Variants in CHRNA7 observed in about 807,000 individuals in gnomAD.
CHRNA7 encodes cholinergic receptor nicotinic alpha 7 subunit, also known as neuronal acetylcholine receptor subunit alpha-7.
A neutral mutation model predicts 48.0 loss-of-function variants in CHRNA7; 17 were observed. The observed-to-expected ratio is 0.35, with a 90% CI of 0.24 to 0.53. The LOEUF (loss-of-function observed/expected upper bound fraction) is 0.53, where lower values mean the gene tolerates loss of function less well. CHRNA7 is among the 20% of genes least tolerant of loss of function. The pLI, the probability that CHRNA7 is intolerant of heterozygous loss-of-function variation, is 0.92. For missense variants in CHRNA7, 155 were observed against 577.7 expected (o/e 0.27, Z 7.50); for synonymous variants, 75 against 242.3 (o/e 0.31, Z 6.41).
At chr15:32,061,236 A>G (rs1006911041) in intron 2 of CHRNA7, among the ~76,000 whole-genome samples, 1 of 152,146 alleles carries the variant, frequency 6.6e-6, no homozygotes, top group Admixed American at 6.5e-5. Flanking sequence ...CTTAAGTGCC[A>G]GCCTCACCCA....
chr15:32,056,317 T>G (rs1466701127), intron 2 of CHRNA7, among the ~76,000 whole-genome samples: 3 of 152,204 alleles, frequency 2.0e-5, no homozygotes. Flanking sequence ...GTTTTACCTC[T>G]CATGTTTGTT....
intron 2 of CHRNA7, among the ~76,000 whole-genome samples, chr15:32,072,445 T>C (rs922294880): frequency 2.6e-5 from 4 of 152,126 alleles, no homozygotes; most frequent in Non-Finnish European, 5.9e-5. Context: ...AATAAGCAGA[T>C]TGTGTCAGGA....
chr15:32,056,792 C>T (rs949436843), intron 2 of CHRNA7, among the ~76,000 whole-genome samples: 4 of 152,146 alleles, frequency 2.6e-5, no homozygotes, highest in Admixed American at 1.3e-4. Flanking sequence ...TTCTCTGGAC[C>T]TTTACTGAAA....
At chr15:32,048,101 A>G (rs56953804) in intron 2 of CHRNA7, among the ~76,000 whole-genome samples, 40,101 of 152,072 alleles carry the variant, frequency 0.26, 6,439 homozygotes, top group East Asian at 0.61. Context: ...TTTTGCATCA[A>G]TGTTCATCAG....
At chr15:32,112,809 G>A (rs1174036885) in intron 4 of CHRNA7, among the ~76,000 whole-genome samples, 3 of 152,114 alleles carry the variant, frequency 2.0e-5, no homozygotes, top group Non-Finnish European at 2.9e-5. Context: ...AAGGCTGGGC[G>A]ATGCTATTTC....
chr15:32,113,576 G>C (rs2050798700), intron 4 of CHRNA7, among the ~76,000 whole-genome samples: 1 of 152,064 alleles, frequency 6.6e-6, no homozygotes, highest in Non-Finnish European at 1.5e-5. Context: ...TTGAAAAACG[G>C]GGAAAGTGCC....
At chr15:32,067,251 AAG>A (rs1491034132) in intron 2 of CHRNA7, among the ~76,000 whole-genome samples, 4 of 152,334 alleles carry the variant, frequency 2.6e-5, no homozygotes, top group African/African-American at 7.2e-5. Context: ...TTGAAAGACA[AAG>A]AGGGAATCTT....
In CHRNA7 at chr15:32,057,929, G is replaced by A. The variant is rs2049813782; in HGVS notation, c.195+26892G>A. Among the ~76,000 whole-genome samples the A allele has an allele frequency of 2.0e-5, 3 of 152,168 alleles. No individual in the cohort carries two copies. The South Asian group carries it at 6.2e-4, about 32-fold the overall frequency. On this transcript the variant is annotated intron_variant, in intron 2 of 9. Coordinates refer to ENST00000306901, the MANE Select transcript of CHRNA7 (RefSeq NM_000746.6). ...AAGTCAGGTAAATTTCAGACAGCCT[G>A]TAATGTTTCAAGCAGGAAGATGTCT... is the stretch of plus-strand genomic sequence containing the variant.
At chr15:32,140,628 G>C (rs2051361679) in intron 4 of CHRNA7, among the ~76,000 whole-genome samples, 2 of 152,154 alleles carry the variant, frequency 1.3e-5, no homozygotes, top group African/African-American at 2.4e-5. Flanking sequence ...TGGTGTGAGA[G>C]AGATGGTATC....
intron 4 of CHRNA7, among the ~76,000 whole-genome samples, chr15:32,151,343 T>C (rs1368192352): frequency 6.6e-6 from 1 of 152,138 alleles, no homozygotes; most frequent in South Asian, 2.1e-4. Flanking sequence ...GATCTCCAGG[T>C]TTAATCTAAA....
chr15:32,041,767 C>T (rs1298955918), intron 2 of CHRNA7, among the ~76,000 whole-genome samples: 1 of 152,250 alleles, frequency 6.6e-6, no homozygotes, highest in Non-Finnish European at 1.5e-5. Flanking sequence ...ATTCTTTCCT[C>T]AGCTGTATCC....
At chr15:32,039,432 C>T (rs2049408572) in intron 2 of CHRNA7, among the ~76,000 whole-genome samples, 1 of 152,138 alleles carries the variant, frequency 6.6e-6, no homozygotes, top group Non-Finnish European at 1.5e-5. Flanking sequence ...TCTTTTGCTG[C>T]ATCCCACAAA....
At chr15:32,148,777 A>G (rs1261940074) in intron 4 of CHRNA7, among the ~76,000 whole-genome samples, 1 of 152,230 alleles carries the variant, frequency 6.6e-6, no homozygotes, top group Admixed American at 6.5e-5. Context: ...GTAAGCAAAC[A>G]CCATGATCCA....
intron 4 of CHRNA7, among the ~76,000 whole-genome samples, chr15:32,148,650 G>A (rs912678958): frequency 2.0e-5 from 3 of 152,206 alleles, no homozygotes; most frequent in Non-Finnish European, 2.9e-5. Flanking sequence ...TGCCATTGAC[G>A]TCTGAAAGCA....
intron 4 of CHRNA7, chr15:32,112,511 A>C (rs1051909493): frequency 2.8e-6 from 1 of 353,192 alleles, no homozygotes; most frequent in South Asian, 2.1e-5. Context: ...CCAGATGCCT[A>C]AAAGGCAATT....
At chr15:32,118,540 G>A (rs2050911816) in intron 4 of CHRNA7, among the ~76,000 whole-genome samples, 1 of 152,180 alleles carries the variant, frequency 6.6e-6, no homozygotes, top group Non-Finnish European at 1.5e-5. Flanking sequence ...AGCAGTGAGT[G>A]GAGCCAGCCA....
intron 2 of CHRNA7, among the ~76,000 whole-genome samples, chr15:32,068,382 C>T (rs2141214163): frequency 6.6e-6 from 1 of 152,106 alleles, no homozygotes; most frequent in East Asian, 1.9e-4. Flanking sequence ...TTAGACACTC[C>T]AATGAAAATA....
chr15:32,075,091 A>AT (rs536057853), intron 2 of CHRNA7, among the ~76,000 whole-genome samples: 1 of 152,126 alleles, frequency 6.6e-6, no homozygotes, highest in Non-Finnish European at 1.5e-5. Context: ...ATGGAACATA[A>AT]TTTTTTTGTA....
intron 2 of CHRNA7, among the ~76,000 whole-genome samples, chr15:32,070,413 G>C (rs2050034988): frequency 6.6e-6 from 1 of 151,910 alleles, no homozygotes; most frequent in Admixed American, 6.6e-5. Context: ...GACTCTAAAT[G>C]TAAGAGTGGT....
Sources: gnomAD v4.1 joint callset for allele counts (sites outside exome capture counted in the v4.1 genomes callset) on GRCh38, gnomAD v4.1.1 for gene constraint, MANE v1.5 for transcripts, NCBI Gene and HGNC (gene_info 2026-07-23, HGNC 2026-07-21) for gene names.